BCL2L1: variants seen among roughly 807,000 people sequenced by gnomAD.
BCL2L1 encodes the protein bcl-2-like protein 1.
A neutral mutation model predicts 18.7 loss-of-function variants in BCL2L1; 1 was observed. The observed-to-expected ratio is 0.05, with a 90% CI of 0.02 to 0.25. The LOEUF (loss-of-function observed/expected upper bound fraction) is 0.25. Among genes scored for constraint, BCL2L1 ranks in the 10% least tolerant of loss-of-function variants. BCL2L1 has a pLI of 1.00. For missense variants in BCL2L1, 207 were observed against 304.9 expected (o/e 0.68, Z 2.39); for synonymous variants, 103 against 122.7 (o/e 0.84, Z 1.06).
Position 31,665,881 on chromosome 20 carries a change from C to A in BCL2L1, c.*68G>T. 5.1e-6 allele frequency: 8 copies of A among 1,573,470 alleles called. No individual in the cohort carries two copies. The highest frequency in any genetic ancestry group is 6.9e-6 in the Non-Finnish European group (8 of 1,155,644). On this transcript the variant is annotated 3_prime_UTR_variant, in exon 3 of 3. Transcript: ENST00000307677. ...GTAGTGGTTCTCCTGGTGGCAATGG[C>A]GGCTGGACGGAGGATGTGGTGGAGC...
intron 2 of BCL2L1, among the ~76,000 whole-genome samples, chr20:31,706,089 G>C (rs148241007): frequency 1.1e-4 from 17 of 152,176 alleles, no homozygotes; most frequent in African/African-American, 4.1e-4. Context: ...ATTCTTCTGA[G>C]TAGCAGATGG....
intron 2 of BCL2L1, among the ~76,000 whole-genome samples, chr20:31,704,048 T>C (rs990319692): frequency 6.6e-6 from 1 of 151,684 alleles, no homozygotes; most frequent in African/African-American, 2.4e-5. Flanking sequence ...TCCACTCGGC[T>C]TGGCCTCCCA....
chr20:31,674,294 A>C (rs1477134604), intron 2 of BCL2L1, among the ~76,000 whole-genome samples: 1 of 152,042 alleles, frequency 6.6e-6, no homozygotes, highest in African/African-American at 2.4e-5. Flanking sequence ...TTGTCTCTAC[A>C]CTCTGTCAGT....
At position 31,665,065 on chromosome 20, in the gene BCL2L1, C is replaced by G. The variant is rs184626287; in HGVS notation, c.*884G>C. The G allele has an allele frequency of 1.7e-3, 310 of 185,650 alleles. 2 individuals are homozygous for G. The highest frequency in any genetic ancestry group is 6.8e-3 in the African/African-American group (289 of 42,754). 11.5% of individuals were successfully genotyped at this position (185,650 alleles called of 1,614,324 possible). A position where few individuals can be genotyped will look rare whatever the true frequency, so the allele number is the denominator to read the frequency against. ...GCTCCCTTTCACCTCAGGGCTGAGT[C>G]CCCTGAACCCACCATGAGGAGCAGC... On this transcript the variant is annotated 3_prime_UTR_variant, in exon 3 of 3. Transcript: ENST00000307677.
At chr20:31,693,168 A>G (rs963835842) in intron 2 of BCL2L1, among the ~76,000 whole-genome samples, 6 of 149,830 alleles carry the variant, frequency 4.0e-5, no homozygotes, top group African/African-American at 1.5e-4. Flanking sequence ...AAACTTAAAA[A>G]AAAAAAAAAA....
chr20:31,713,367 G>C (rs2061481404), intron 2 of BCL2L1: 1 of 985,264 alleles, frequency 1.0e-6, no homozygotes, highest in South Asian at 4.7e-5. Context: ...AAGAGGAAAG[G>C]CAGGGACACG....
chr20:31,705,308 T>C (rs1319971843), intron 2 of BCL2L1, among the ~76,000 whole-genome samples: 1 of 152,220 alleles, frequency 6.6e-6, no homozygotes, highest in African/African-American at 2.4e-5. Flanking sequence ...CCATATGATC[T>C]TACATACATT....
At chr20:31,672,080 C>T (rs1369491085) in intron 2 of BCL2L1, among the ~76,000 whole-genome samples, 4 of 150,754 alleles carry the variant, frequency 2.7e-5, no homozygotes, top group African/African-American at 7.3e-5. Flanking sequence ...GTTGAGAAAC[C>T]CTGTCTTACT....
At chr20:31,699,247 G>A (rs1352506209) in intron 2 of BCL2L1, among the ~76,000 whole-genome samples, 1 of 152,258 alleles carries the variant, frequency 6.6e-6, no homozygotes, top group Non-Finnish European at 1.5e-5. Context: ...CCTGCAGACA[G>A]GTGGAACACC....
intron 1 of BCL2L1, 25 bp from the exon 2 acceptor site, chr20:31,722,373 A>C: frequency 1.9e-6 from 1 of 527,166 alleles, no homozygotes; most frequent in Non-Finnish European, 3.1e-6. Flanking sequence ...AATAATTAAT[A>C]TGCATGCCAT....
At chr20:31,690,595 G>C (rs2061047543) in intron 2 of BCL2L1, among the ~76,000 whole-genome samples, 1 of 148,286 alleles carries the variant, frequency 6.7e-6, no homozygotes. Flanking sequence ...TTTGCAGACA[G>C]AGTCTCACTC....
chr20:31,696,078 C>A (rs544432700), intron 2 of BCL2L1, among the ~76,000 whole-genome samples: 4 of 152,282 alleles, frequency 2.6e-5, no homozygotes, highest in African/African-American at 9.6e-5. Flanking sequence ...CCATGCCTAG[C>A]CCTGACATGT....
At chr20:31,688,005 C>T (rs144410359) in intron 2 of BCL2L1, among the ~76,000 whole-genome samples, 204 of 152,262 alleles carry the variant, frequency 1.3e-3, no homozygotes, top group African/African-American at 4.1e-3. Context: ...CTGAGCTTCA[C>T]TTATCTCATC....
chr20:31,722,100 C>T lies in BCL2L1; in HGVS notation c.119G>A (p.Gly40Glu), dbSNP rs769141052. ...GGGGGTCTCCATCTCCGATTCAGTC[C>T]CTTCTGGGGCCTCAGTCCTGTTCTC... The part of the protein sequence containing the change: ...VEENRTEAPE[G>E]TESEMETPSA... The change falls in exon 2 of 3, where the codon GGG (glycine) becomes GAG (glutamate). Residue 40 changes from glycine to glutamate, a missense_variant. Coordinates refer to ENST00000307677, the MANE Select transcript of BCL2L1 (RefSeq NM_138578.3). 3 of 1,580,162 alleles carry T rather than the reference C, an allele frequency of 1.9e-6. No homozygotes were observed. The highest frequency in any genetic ancestry group is 2.7e-5 in the African/African-American group (2 of 74,384).
In BCL2L1 at chr20:31,665,887, G is replaced by A. The variant is rs936677262; in HGVS notation, c.*62C>T. 3.2e-6 allele frequency: 5 copies of A among 1,586,552 alleles called. No homozygotes were observed. The African/African-American group carries it at 6.7e-5, about 21-fold the overall frequency. ...GTTCTCCTGGTGGCAATGGCGGCTG[G>A]ACGGAGGATGTGGTGGAGCAGAGAA... is the stretch of plus-strand genomic sequence containing the variant. On this transcript the variant is annotated 3_prime_UTR_variant, in exon 3 of 3. Coordinates refer to ENST00000307677, the MANE Select transcript of BCL2L1 (RefSeq NM_138578.3).
chr20:31,711,624 C>T lies in BCL2L1; in HGVS notation c.564+10031G>A, dbSNP rs1481727081. 6.6e-5 allele frequency among the ~76,000 whole-genome samples: 10 copies of T among 152,266 alleles called. No individual in the cohort carries two copies. The East Asian group carries it at 1.9e-3, about 29-fold the overall frequency. Reference sequence around the variant, plus strand: ...CTGATTTAACAAAAGAAATGAAACTCCAAGGACAGCTCCAAGCCACACATC... The same window carrying T: ...CTGATTTAACAAAAGAAATGAAACTTCAAGGACAGCTCCAAGCCACACATC... On this transcript the variant is annotated intron_variant, in intron 2 of 2. Transcript: ENST00000307677.
At chr20:31,714,336 G>A (rs900620432) in intron 2 of BCL2L1, among the ~76,000 whole-genome samples, 3 of 152,194 alleles carry the variant, frequency 2.0e-5, no homozygotes, top group Non-Finnish European at 2.9e-5. Flanking sequence ...TCCAAGACCA[G>A]TGCTTACACC....
At chr20:31,666,809 G>T (rs1027893162) in intron 2 of BCL2L1, among the ~76,000 whole-genome samples, 1 of 152,112 alleles carries the variant, frequency 6.6e-6, no homozygotes, top group Admixed American at 6.5e-5. Flanking sequence ...ACTGCAGGGG[G>T]TGTGACTCTG....
chr20:31,690,950 A>T (rs1473445050), intron 2 of BCL2L1, among the ~76,000 whole-genome samples: 1 of 151,716 alleles, frequency 6.6e-6, no homozygotes, highest in African/African-American at 2.4e-5. Flanking sequence ...GGCATTTGAG[A>T]CCAGCCTGGC....
Sources: allele counts gnomAD v4.1 joint callset (sites outside exome capture counted in the v4.1 genomes callset), GRCh38; gene constraint gnomAD v4.1.1; transcripts MANE v1.5; gene names NCBI Gene and HGNC (gene_info 2026-07-23, HGNC 2026-07-21).